The following LHPP variants were observed in gnomAD, a reference collection of about 807,000 sequenced individuals.
LHPP encodes hLHPP.
LHPP carries 24 observed loss-of-function variants against 30.3 expected under a neutral mutation model. The observed-to-expected ratio is 0.79, with a 90% CI of 0.57 to 1.11. LHPP has a LOEUF of 1.11. LHPP is among the 50% of genes most tolerant of loss of function. The pLI is 0.00. For synonymous variants in LHPP, 150 were observed against 157.1 expected (o/e 0.95, Z 0.34); for missense variants, 356 against 367.2 (o/e 0.97, Z 0.25).
At chr10:124,557,810 G>A (rs1343961242) in intron 6 of LHPP, among the ~76,000 whole-genome samples, 3 of 152,096 alleles carry the variant, frequency 2.0e-5, no homozygotes, top group Non-Finnish European at 4.4e-5. Context: ...GGACCGTGGG[G>A]GATCCAGGGT....
At chr10:124,498,346 CAAG>C (rs1379147989) in intron 5 of LHPP, 1 of 1,570,052 alleles carries the variant, frequency 6.4e-7, no homozygotes, top group African/African-American at 1.3e-5. Flanking sequence ...AGTATGAAAG[CAAG>C]AAGCAGAAAT....
At chr10:124,506,674 G>T (rs1307128950) in intron 5 of LHPP, among the ~76,000 whole-genome samples, 3 of 117,504 alleles carry the variant, frequency 2.6e-5, no homozygotes, top group Non-Finnish European at 3.6e-5. Flanking sequence ...TTCAGGTTGG[G>T]GGGTAGGGAA....
intron 6 of LHPP, among the ~76,000 whole-genome samples, chr10:124,532,381 C>T (rs957255100): frequency 7.9e-5 from 12 of 152,250 alleles, no homozygotes; most frequent in African/African-American, 2.9e-4. Flanking sequence ...GTGACACACA[C>T]ATGCGTCCAT....
rs921919997 is a variant in LHPP, at chr10:124,592,476, C to T, written c.717-20788C>T. The stretch of plus-strand genomic sequence containing the variant: ...GAAAATGAGTCACTGGGGCATTCCC[C>T]GAACTTGGGAAAAGCCCTGACCCCA... On this transcript the variant is annotated intron_variant, in intron 6 of 6. Transcript: ENST00000368842. The surrounding 1 kb of genome is among the most constrained non-coding windows in gnomAD (Gnocchi z 6.2). Among the ~76,000 whole-genome samples the T allele has an allele frequency of 2.0e-5, 3 of 152,204 alleles. No individual in the cohort carries two copies. Among genetic ancestry groups the T allele is most frequent in the East Asian group, 1.9e-4 (1 of 5,194 alleles).
intron 2 of LHPP, 126 bp from the exon 3 acceptor site, chr10:124,488,296 A>G: frequency 1.2e-6 from 1 of 832,240 alleles, no homozygotes; most frequent in South Asian, 1.5e-5. Flanking sequence ...GGCAGCTGTG[A>G]TGATCAGAAA....
intron 5 of LHPP, among the ~76,000 whole-genome samples, chr10:124,508,189 C>T (rs983887161): frequency 6.6e-6 from 1 of 152,072 alleles, no homozygotes; most frequent in African/African-American, 2.4e-5. Flanking sequence ...TCTGCTGTGG[C>T]CTCCCTCCCC....
intron 2 of LHPP, among the ~76,000 whole-genome samples, chr10:124,487,189 T>C (rs952585131): frequency 6.6e-5 from 10 of 152,258 alleles, no homozygotes; most frequent in African/African-American, 2.2e-4. Flanking sequence ...AAATCTGCTA[T>C]GAACATTCTT....
chr10:124,552,883 G>A (rs890177681), intron 6 of LHPP, among the ~76,000 whole-genome samples: 1 of 152,216 alleles, frequency 6.6e-6, no homozygotes, highest in Non-Finnish European at 1.5e-5. Flanking sequence ...ATGCTGTTAA[G>A]GTAATTACAC....
intron 6 of LHPP, among the ~76,000 whole-genome samples, chr10:124,529,277 T>C (rs375666303): frequency 3.9e-5 from 6 of 152,112 alleles, no homozygotes; most frequent in African/African-American, 1.4e-4. Context: ...CCTCGTGATC[T>C]GCCCACCTCG....
At chr10:124,580,678 C>CCATCGCTA (rs1219026762) in intron 6 of LHPP, among the ~76,000 whole-genome samples, 2 of 151,722 alleles carry the variant, frequency 1.3e-5, no homozygotes, top group East Asian at 3.9e-4. Context: ...TATTCATACA[C>CCATCGCTA]CATCGCTATC....
At chr10:124,469,597 A>T (rs1310205714) in intron 1 of LHPP, among the ~76,000 whole-genome samples, 1 of 152,094 alleles carries the variant, frequency 6.6e-6, no homozygotes, top group Non-Finnish European at 1.5e-5. Flanking sequence ...CCGAGCCCTC[A>T]TTAAAGATGC....
intron 5 of LHPP, among the ~76,000 whole-genome samples, chr10:124,504,372 A>C (rs943159499): frequency 3.3e-5 from 5 of 150,138 alleles, no homozygotes; most frequent in African/African-American, 9.8e-5. Context: ...TGGGCAGGTC[A>C]TTAGAGCCCA....
At chr10:124,602,193 A>G (rs990606204) in intron 6 of LHPP, among the ~76,000 whole-genome samples, 2 of 152,206 alleles carry the variant, frequency 1.3e-5, no homozygotes, top group Admixed American at 1.3e-4. Flanking sequence ...GAGGGAGACG[A>G]ACCAGGTTTA....
At chr10:124,563,596 A>G (rs1302126339) in intron 6 of LHPP, among the ~76,000 whole-genome samples, 3 of 152,214 alleles carry the variant, frequency 2.0e-5, no homozygotes, top group Non-Finnish European at 4.4e-5. Context: ...CACTGTATCA[A>G]TGTCAATTGT....
In LHPP at chr10:124,547,488, G is replaced by A. The variant is rs188870776; in HGVS notation, c.716+30217G>A. ...CTGCCCCCAGTGTCCACCCACAGAG[G>A]TGTGAGCATGCAAATAGGGTGAGCT... On this transcript the variant is annotated intron_variant, in intron 6 of 6. Coordinates refer to ENST00000368842, the MANE Select transcript of LHPP (RefSeq NM_022126.4). Among the ~76,000 whole-genome samples, 172 of 152,366 alleles carry A rather than the reference G, an allele frequency of 1.1e-3. 1 individual carries two copies. Among genetic ancestry groups the A allele is most frequent in the African/African-American group, 3.8e-3 (159 of 41,584 alleles).
intron 6 of LHPP, among the ~76,000 whole-genome samples, chr10:124,612,371 C>A (rs1235277214): frequency 2.6e-5 from 4 of 152,152 alleles, no homozygotes; most frequent in African/African-American, 9.7e-5. Context: ...CACCATTGCA[C>A]TCCAGCCTGG....
At position 124,613,246 on chromosome 10, in the gene LHPP, T is replaced by C; in HGVS notation, c.717-18T>C. On this transcript the variant is annotated intron_variant, in intron 6 of 6. Coordinates refer to ENST00000368842, the MANE Select transcript of LHPP (RefSeq NM_022126.4). Reference sequence around the variant, plus strand: ...GTCAGCGTGGGGGCACTGACTAACCTCCGGCCATCCTCTCCAGGCCCAGTG... The same window carrying C: ...GTCAGCGTGGGGGCACTGACTAACCCCCGGCCATCCTCTCCAGGCCCAGTG... 1 of 1,601,098 alleles carries C rather than the reference T, an allele frequency of 6.2e-7. No homozygotes were observed. Among genetic ancestry groups the C allele is most frequent in the East Asian group, 2.2e-5 (1 of 44,788 alleles).
chr10:124,472,122 G>A (rs376464991), intron 1 of LHPP, among the ~76,000 whole-genome samples: 87 of 151,628 alleles, frequency 5.7e-4, no homozygotes, highest in African/African-American at 2.0e-3. Context: ...GACCAGCCTG[G>A]CCCACATAGT....
chr10:124,514,533 T>G (rs1954397606), intron 5 of LHPP, among the ~76,000 whole-genome samples: 1 of 152,250 alleles, frequency 6.6e-6, no homozygotes, highest in African/African-American at 2.4e-5. Context: ...TCACTTGCAT[T>G]GTTTCCAACA....
Sources: allele counts gnomAD v4.1 joint callset (sites outside exome capture counted in the v4.1 genomes callset), GRCh38; gene constraint gnomAD v4.1.1; non-coding constraint Gnocchi (gnomAD v3.1); transcripts MANE v1.5; gene names NCBI Gene and HGNC (gene_info 2026-07-23, HGNC 2026-07-21).